MTMR7: variants seen among roughly 807,000 people sequenced by gnomAD.
The protein encoded by MTMR7 is phosphatidylinositol-3-phosphate phosphatase MTMR7.
A neutral mutation model predicts 81.2 loss-of-function variants in MTMR7; 76 were observed. That is an observed-to-expected ratio of 0.94 (90% confidence interval 0.78 to 1.13). MTMR7 has a LOEUF of 1.13. MTMR7 is among the 50% of genes most tolerant of loss of function. MTMR7 has a pLI of 0.00. For missense variants in MTMR7, 1,044 were observed against 820.0 expected, an observed-to-expected ratio of 1.27 and a Z score of -3.34; for synonymous variants, 372 against 289.8, an observed-to-expected ratio of 1.28 and a Z score of -2.88.
intron 1 of MTMR7, among the ~76,000 whole-genome samples, chr8:17,412,236 G>C (rs1034479632): frequency 6.6e-6 from 1 of 152,050 alleles, no homozygotes; most frequent in Admixed American, 6.5e-5. Flanking sequence ...CAAAATTTAG[G>C]AATCAATTCT....
chr8:17,399,642 G>A (rs377657404), intron 1 of MTMR7, among the ~76,000 whole-genome samples: 1 of 151,968 alleles, frequency 6.6e-6, no homozygotes, highest in Admixed American at 6.6e-5. Flanking sequence ...AAGTTATATA[G>A]AACAACAAAA....
At chr8:17,328,010 A>G (rs1231661933) in intron 7 of MTMR7, among the ~76,000 whole-genome samples, 2 of 152,264 alleles carry the variant, frequency 1.3e-5, no homozygotes, top group African/African-American at 4.8e-5. Flanking sequence ...CTCAATTTTT[A>G]GTTTAATGAA....
intron 2 of MTMR7, among the ~76,000 whole-genome samples, chr8:17,371,934 G>C (rs1254058968): frequency 7.0e-6 from 1 of 143,214 alleles, no homozygotes; most frequent in Non-Finnish European, 1.5e-5. Flanking sequence ...TTACTATTGA[G>C]TATGGTCACC....
intron 7 of MTMR7, among the ~76,000 whole-genome samples, chr8:17,322,439 T>C (rs940498839): frequency 1.3e-5 from 2 of 152,190 alleles, no homozygotes; most frequent in Non-Finnish European, 2.9e-5. Context: ...TCACAGTGTA[T>C]CATGGTAACC....
At chr8:17,358,957 G>A (rs549234468) in intron 4 of MTMR7, among the ~76,000 whole-genome samples, 9 of 152,258 alleles carry the variant, frequency 5.9e-5, no homozygotes, top group South Asian at 2.1e-4. Context: ...TGCATGGCGC[G>A]ATCATGGCTC....
chr8:17,383,026 T>TG (rs10548216), intron 1 of MTMR7, among the ~76,000 whole-genome samples: 6 of 150,048 alleles, frequency 4.0e-5, no homozygotes, highest in Non-Finnish European at 5.9e-5. Context: ...CTCCGAGATA[T>TG]GGGGGGGCCG....
Position 17,311,504 on chromosome 8 carries a change from C to T in MTMR7, c.1101+7G>A. The T allele has an allele frequency of 6.2e-7, 1 of 1,614,118 alleles. No homozygotes were observed. Among genetic ancestry groups the T allele is most frequent in the Non-Finnish European group, 8.5e-7 (1 of 1,180,016 alleles). On this transcript the variant is annotated splice_region_variant and intron_variant, in intron 9 of 13. Transcript: ENST00000180173. Reference sequence around the variant, plus strand: ...GCCTGTGGGAATCGCCCAGTGGCCACACTCACCATGAAGCCCTTCAGAGTC... The same window carrying T: ...GCCTGTGGGAATCGCCCAGTGGCCATACTCACCATGAAGCCCTTCAGAGTC...
At chr8:17,313,153 C>G in intron 8 of MTMR7, 139 bp downstream of exon 8, 1 of 549,924 alleles carries the variant, frequency 1.8e-6, no homozygotes, top group Non-Finnish European at 3.3e-6. Context: ...AGCGCACAGA[C>G]TACGGAGCTC....
chr8:17,348,221 C>T (rs576740504), intron 5 of MTMR7, among the ~76,000 whole-genome samples: 5 of 152,056 alleles, frequency 3.3e-5, no homozygotes, highest in African/African-American at 9.6e-5. Flanking sequence ...ACTGAAGATA[C>T]TCAAAAGAAC....
At chr8:17,356,821 A>C (rs1420766848) in intron 4 of MTMR7, among the ~76,000 whole-genome samples, 1 of 152,232 alleles carries the variant, frequency 6.6e-6, no homozygotes, top group Non-Finnish European at 1.5e-5. Flanking sequence ...GAAGAATACC[A>C]GCGAATATCA....
chr8:17,298,876 A>C lies in MTMR7; in HGVS notation c.*986T>G, dbSNP rs141720261. The C allele has an allele frequency of 0.021, 3,242 of 152,356 alleles. 49 individuals carry two copies. The highest frequency in any genetic ancestry group is 0.033 in the Non-Finnish European group (2,241 of 68,002). The allele number at this position is 152,356 out of a possible 1,614,324, so 9.4% of individuals were successfully genotyped here. A position where few individuals can be genotyped will look rare whatever the true frequency, so the allele number is the denominator to read the frequency against. ...TGGTCATGAGATGTTACTAAGGTTA[A>C]TTAAACCATATTAGCCAGTTACATA... On this transcript the variant is annotated 3_prime_UTR_variant, in exon 14 of 14. Transcript: ENST00000180173.
intron 4 of MTMR7, among the ~76,000 whole-genome samples, chr8:17,360,626 C>T (rs1344472829): frequency 6.6e-6 from 1 of 151,982 alleles, no homozygotes; most frequent in Non-Finnish European, 1.5e-5. Context: ...TCTAGCTTCC[C>T]TGCCTCTCCA....
chr8:17,335,878 C>CT (rs1336553712), intron 6 of MTMR7, among the ~76,000 whole-genome samples: 2 of 152,226 alleles, frequency 1.3e-5, no homozygotes, highest in African/African-American at 4.8e-5. Flanking sequence ...GCAAAATTAG[C>CT]TCTTCCCCGC....
chr8:17,393,921 C>T (rs777362994), intron 1 of MTMR7, among the ~76,000 whole-genome samples: 3 of 152,136 alleles, frequency 2.0e-5, no homozygotes, highest in Non-Finnish European at 2.9e-5. Flanking sequence ...CCAAAGAAGA[C>T]ATATGAATAG....
At chr8:17,365,997 C>G (rs760516831) in intron 3 of MTMR7, among the ~76,000 whole-genome samples, 9 of 152,142 alleles carry the variant, frequency 5.9e-5, no homozygotes, top group Non-Finnish European at 1.2e-4. Flanking sequence ...TTGTGCTCCC[C>G]TTAACCTAGG....
intron 1 of MTMR7, among the ~76,000 whole-genome samples, chr8:17,374,302 G>A (rs1234666204): frequency 1.1e-4 from 16 of 152,122 alleles, no homozygotes; most frequent in African/African-American, 3.6e-4. Flanking sequence ...CCTGGCCAAC[G>A]TGGTGAAATC....
intron 3 of MTMR7, among the ~76,000 whole-genome samples, chr8:17,365,817 T>A (rs777336682): frequency 1.3e-5 from 2 of 152,234 alleles, no homozygotes; most frequent in African/African-American, 2.4e-5. Context: ...TTAATGTTTT[T>A]CTACCCAGAA....
intron 3 of MTMR7, among the ~76,000 whole-genome samples, chr8:17,362,270 T>C (rs542585659): frequency 1.2e-4 from 19 of 152,372 alleles, no homozygotes; most frequent in African/African-American, 4.3e-4. Flanking sequence ...TTTTGTGCTG[T>C]CTTTGAAATT....
In MTMR7 at chr8:17,298,990, C is replaced by G. The variant is rs889382511; in HGVS notation, c.*872G>C. On this transcript the variant is annotated 3_prime_UTR_variant, in exon 14 of 14. Coordinates refer to ENST00000180173, the MANE Select transcript of MTMR7 (RefSeq NM_004686.5). ...TCTGGTTCTTGAAACTGGATTTTCA[C>G]TCACAGATGTTTTATCTACTAACTT... 2.0e-5 allele frequency: 3 copies of G among 152,180 alleles called. No homozygotes were observed. The highest frequency in any genetic ancestry group is 7.2e-5 in the African/African-American group (3 of 41,462). The allele number at this position is 152,180 out of a possible 1,614,324, so 9.4% of individuals were successfully genotyped here. A position where few individuals can be genotyped will look rare whatever the true frequency, so the allele number is the denominator to read the frequency against.
Sources: gnomAD v4.1 joint callset for allele counts (sites outside exome capture counted in the v4.1 genomes callset) on GRCh38, gnomAD v4.1.1 for gene constraint, MANE v1.5 for transcripts, NCBI Gene and HGNC (gene_info 2026-07-23, HGNC 2026-07-21) for gene names.